STXBP5L: variants seen among roughly 807,000 people sequenced by gnomAD.
STXBP5L encodes the protein syntaxin binding protein 5L.
Under a neutral mutation model 144.5 loss-of-function variants are expected in STXBP5L, and 65 were observed. The observed-to-expected ratio is 0.45, with a 90% CI of 0.37 to 0.55. STXBP5L has a LOEUF of 0.55. STXBP5L is among the 20% of genes least tolerant of loss of function. STXBP5L has a pLI of 0.00. For missense variants in STXBP5L, 1,298 were observed against 1,405.5 expected (o/e 0.92, Z 1.22); for synonymous variants, 505 against 469.6 (o/e 1.08, Z -0.97).
At position 121,043,586 on chromosome 3, in the gene STXBP5L, G is replaced by T. The variant is rs191316159; in HGVS notation, c.369+1805G>T. Among the ~76,000 whole-genome samples the T allele has an allele frequency of 1.3e-3, 193 of 152,272 alleles. 1 individual carries two copies. Among genetic ancestry groups the T allele is most frequent in the African/African-American group, 4.3e-3 (180 of 41,560 alleles). ...TAGTTGGACGTGGTTGCACACACCTGTAGTCCCAGCTACTCAGGAGGCTGA... is the reference window on the plus strand; with the variant it reads ...TAGTTGGACGTGGTTGCACACACCTTTAGTCCCAGCTACTCAGGAGGCTGA... On this transcript the variant is annotated intron_variant, in intron 4 of 26. Transcript: ENST00000471454.
intron 3 of STXBP5L, among the ~76,000 whole-genome samples, chr3:120,992,457 C>T (rs959572685): frequency 2.0e-5 from 3 of 152,058 alleles, no homozygotes; most frequent in Admixed American, 6.6e-5. Flanking sequence ...TTCCCCCATG[C>T]AGCCTTCCTC....
chr3:121,255,261 C>T, intron 16 of STXBP5L, 149 bp downstream of exon 16: 1 of 525,910 alleles, frequency 1.9e-6, no homozygotes, highest in Non-Finnish European at 3.1e-6. Context: ...ATTATTGTTA[C>T]TTACTATAAC....
intron 18 of STXBP5L, among the ~76,000 whole-genome samples, chr3:121,276,155 G>T: frequency 8.0e-6 from 1 of 125,598 alleles, no homozygotes; most frequent in South Asian, 3.4e-4. Flanking sequence ...CTTCATTATT[G>T]ATTTATTAGA....
At chr3:121,199,802 T>C (rs567551345) in intron 9 of STXBP5L, among the ~76,000 whole-genome samples, 82 of 152,290 alleles carry the variant, frequency 5.4e-4, no homozygotes, top group Middle Eastern at 3.4e-3. Context: ...CTTGTGTATG[T>C]TGAGCTAGCC....
chr3:121,357,105 G>A, intron 20 of STXBP5L: 1 of 164,910 alleles, frequency 6.1e-6, no homozygotes, highest in Non-Finnish European at 1.4e-5. Context: ...TAAGAAGAAT[G>A]GGAGCCAATA....
intron 20 of STXBP5L, among the ~76,000 whole-genome samples, chr3:121,338,664 GAAAA>G (rs896378106): frequency 1.4e-5 from 2 of 147,006 alleles, no homozygotes; most frequent in African/African-American, 2.5e-5. Flanking sequence ...AAAAGAGAAA[GAAAA>G]AAAGAAAGAG....
At chr3:120,990,940 A>G (rs1942792200) in intron 3 of STXBP5L, among the ~76,000 whole-genome samples, 1 of 152,244 alleles carries the variant, frequency 6.6e-6, no homozygotes, top group African/African-American at 2.4e-5. Context: ...CATGACTAAA[A>G]CACCAAAAGC....
chr3:120,928,720 G>C (rs376267302), intron 2 of STXBP5L, among the ~76,000 whole-genome samples: 37 of 151,320 alleles, frequency 2.4e-4, no homozygotes, highest in African/African-American at 9.0e-4. Context: ...AGTTGTTGAT[G>C]GTGTCAGTGA....
At chr3:121,103,631 A>G (rs570093196) in intron 5 of STXBP5L, among the ~76,000 whole-genome samples, 6 of 152,178 alleles carry the variant, frequency 3.9e-5, no homozygotes, top group Non-Finnish European at 7.4e-5. Flanking sequence ...TACCTCCTGA[A>G]TCTATAATAA....
chr3:121,212,623 A>G (rs537945186), intron 10 of STXBP5L, among the ~76,000 whole-genome samples: 6 of 152,266 alleles, frequency 3.9e-5, no homozygotes, highest in African/African-American at 1.2e-4. Flanking sequence ...ATAGCCTTGC[A>G]GTATAGTTTG....
At chr3:121,197,740 TGA>T (rs1481486294) in intron 9 of STXBP5L, among the ~76,000 whole-genome samples, 3 of 151,398 alleles carry the variant, frequency 2.0e-5, no homozygotes, top group Non-Finnish European at 4.4e-5. Context: ...CAATTATGAG[TGA>T]GAGTTTGGTT....
At chr3:121,219,520 A>G (rs930820172) in intron 10 of STXBP5L, among the ~76,000 whole-genome samples, 2 of 152,144 alleles carry the variant, frequency 1.3e-5, no homozygotes, top group Non-Finnish European at 2.9e-5. Context: ...GTATATGGGA[A>G]TCATTTATCC....
chr3:121,265,070 C>G (rs2050517840), intron 18 of STXBP5L, among the ~76,000 whole-genome samples: 1 of 152,122 alleles, frequency 6.6e-6, no homozygotes, highest in Admixed American at 6.5e-5. Flanking sequence ...ATCAACAAGA[C>G]AGAAAATTAA....
intron 2 of STXBP5L, chr3:120,925,263 G>A (rs1324208111): frequency 2.0e-5 from 3 of 152,158 alleles, no homozygotes; most frequent in Non-Finnish European, 4.4e-5. Context: ...GGTTGCTGAA[G>A]TACCCTACTA....
intron 5 of STXBP5L, among the ~76,000 whole-genome samples, chr3:121,109,848 C>T (rs927331735): frequency 2.3e-4 from 35 of 152,204 alleles, no homozygotes; most frequent in African/African-American, 7.9e-4. Flanking sequence ...GAGTCTAAAT[C>T]TTTTTGTAGG....
intron 3 of STXBP5L, among the ~76,000 whole-genome samples, chr3:121,006,713 G>T (rs1229139417): frequency 6.6e-6 from 1 of 152,074 alleles, no homozygotes; most frequent in African/African-American, 2.4e-5. Flanking sequence ...TATGTTTAGT[G>T]CCTCCTTCAG....
At chr3:121,070,340 C>A (rs1288358424) in intron 5 of STXBP5L, among the ~76,000 whole-genome samples, 1 of 152,108 alleles carries the variant, frequency 6.6e-6, no homozygotes, top group East Asian at 1.9e-4. Flanking sequence ...ACTCACTGGG[C>A]CTCTAATAAA....
intron 3 of STXBP5L, among the ~76,000 whole-genome samples, chr3:120,977,202 G>C (rs1044652361): frequency 6.6e-6 from 1 of 152,184 alleles, no homozygotes; most frequent in Non-Finnish European, 1.5e-5. Context: ...AGGTCAGTAA[G>C]GACTTGCTTC....
At chr3:121,163,452 T>C (rs1244217172) in intron 9 of STXBP5L, among the ~76,000 whole-genome samples, 1 of 151,818 alleles carries the variant, frequency 6.6e-6, no homozygotes, top group Non-Finnish European at 1.5e-5. Context: ...GGGAAAGCAT[T>C]AGGACAAATA....
Sources: gnomAD v4.1 joint callset for allele counts (sites outside exome capture counted in the v4.1 genomes callset) on GRCh38, gnomAD v4.1.1 for gene constraint, MANE v1.5 for transcripts, NCBI Gene and HGNC (gene_info 2026-07-23, HGNC 2026-07-21) for gene names.